IFNA14: variants seen among roughly 807,000 people sequenced by gnomAD.
The protein encoded by IFNA14 is interferon alpha 14.
For missense variants in IFNA14, 337 were observed against 214.9 expected, an observed-to-expected ratio of 1.57 and a Z score of -3.55; for synonymous variants, 113 against 76.8, an observed-to-expected ratio of 1.47 and a Z score of -2.46.
the IFNA14 span, chr9:21,239,758 CAA>C: frequency 6.2e-7 from 1 of 1,614,102 alleles, no homozygotes; most frequent in African/African-American, 1.3e-5. Flanking sequence ...TGGGGAAATT[CAA>C]AGTCATGTCT....
chr9:21,239,329 T>G lies in IFNA14; in HGVS notation c.*37A>C. On this transcript the variant is annotated 3_prime_UTR_variant, in exon 1 of 1. Coordinates refer to ENST00000380222, the MANE Select transcript of IFNA14 (RefSeq NM_002172.3). ...ACTCATGAAAGTGTGAGATGATGTA[T>G]TAGTCAATGAGAATCATTTCCATGA... The G allele has an allele frequency of 1.2e-6, 2 of 1,611,792 alleles. No individual in the cohort carries two copies. Among genetic ancestry groups the G allele is most frequent in the Non-Finnish European group, 1.7e-6 (2 of 1,179,490 alleles).
rs772633439 is a variant in IFNA14 at position 21,239,657 on chromosome 9, T to C, written c.279A>G (p.Thr93=). The C allele has an allele frequency of 8.1e-6, 13 of 1,613,906 alleles. No individual in the cohort carries two copies. In the East Asian group the frequency reaches 2.9e-4, roughly 36 times the overall value. ...MMQQTFNLFS[T]KNSSAAWDET... Reference sequence around the variant, plus strand: ...CATCCCAAGCAGCAGATGAGTTCTTTGTGCTGAAGAGATTGAAGGTCTGCT... The same window carrying C: ...CATCCCAAGCAGCAGATGAGTTCTTCGTGCTGAAGAGATTGAAGGTCTGCT... The change falls in exon 1 of 1, where the codon ACA becomes ACG. Residue 93 remains threonine, a synonymous_variant. Coordinates refer to ENST00000380222, the MANE Select transcript of IFNA14 (RefSeq NM_002172.3).
chr9:21,239,204 C>T lies in IFNA14; in HGVS notation c.*162G>A. ...GTCATCTGTAAAGGACTAGTGCCTGCACAGGTATACATGATGCTTCTTTAC... is the reference window on the plus strand; with the variant it reads ...GTCATCTGTAAAGGACTAGTGCCTGTACAGGTATACATGATGCTTCTTTAC... On this transcript the variant is annotated 3_prime_UTR_variant, in exon 1 of 1. Coordinates refer to ENST00000380222, the MANE Select transcript of IFNA14 (RefSeq NM_002172.3). 2.6e-6 allele frequency: 3 copies of T among 1,152,902 alleles called. No individual in the cohort carries two copies. Among genetic ancestry groups the T allele is most frequent in the East Asian group, 2.5e-5 (1 of 40,410 alleles). 71.4% of individuals were successfully genotyped at this position (1,152,902 alleles called of 1,614,324 possible).
Position 21,239,344 on chromosome 9 carries a change from C to G in IFNA14, c.*22G>C. Reference sequence around the variant, plus strand: ...AGATGATGTATTAGTCAATGAGAATCATTTCCATGATGAACCAGTTTTCAA... The same window carrying G: ...AGATGATGTATTAGTCAATGAGAATGATTTCCATGATGAACCAGTTTTCAA... On this transcript the variant is annotated 3_prime_UTR_variant, in exon 1 of 1. Coordinates refer to ENST00000380222, the MANE Select transcript of IFNA14 (RefSeq NM_002172.3). 1 of 1,612,986 alleles carries G rather than the reference C, an allele frequency of 6.2e-7. No individual in the cohort carries two copies. Among genetic ancestry groups the G allele is most frequent in the South Asian group, 1.1e-5 (1 of 90,902 alleles).
In IFNA14 at chr9:21,239,623, G is replaced by A; in HGVS notation, c.313C>T (p.Leu105=). ...NSSAAWDETL[L]EKFYIELFQQ... Reference sequence around the variant, plus strand: ...AAAAGTTCAATGTAGAATTTTTCTAGGAGGGTCTCATCCCAAGCAGCAGAT... The same window carrying A: ...AAAAGTTCAATGTAGAATTTTTCTAAGAGGGTCTCATCCCAAGCAGCAGAT... Residue 105 remains leucine, a synonymous_variant, in exon 1 of 1, where the codon CTA becomes TTA. Transcript: ENST00000380222. 6.2e-7 allele frequency: 1 copy of A among 1,613,892 alleles called. No homozygotes were observed. The highest frequency in any genetic ancestry group is 1.1e-5 in the South Asian group (1 of 91,068).
At position 21,239,890 on chromosome 9, in the gene IFNA14, A is replaced by C. The variant is rs1818862667; in HGVS notation, c.46T>G (p.Cys16Gly). ...ALMMALVVLS[C>G]KSSCSLGCNL... ...CAGCCCAGAGAGCAGCTTGACTTGC[A>C]GCTGAGCACCACCAGGGCCATCATT... The change falls in exon 1 of 1, where the codon TGC becomes GGC. Residue 16 changes from cysteine to glycine, a missense_variant. Transcript: ENST00000380222. The C allele has an allele frequency of 1.2e-6, 2 of 1,614,036 alleles. No homozygotes were observed. The highest frequency in any genetic ancestry group is 2.7e-5 in the African/African-American group (2 of 74,918).
At chr9:21,239,459 G>C in the IFNA14 span, 1 of 1,614,110 alleles carries the variant, frequency 6.2e-7, no homozygotes, top group South Asian at 1.1e-5. Context: ...CACAAGGGCT[G>C]TATTTCTTCT....
At position 21,239,823 on chromosome 9, in the gene IFNA14, A is replaced by G; in HGVS notation, c.113T>C (p.Leu38Ser). The change falls in exon 1 of 1, where the codon TTG becomes TCG. Residue 38 changes from leucine to serine, a missense_variant. Coordinates refer to ENST00000380222, the MANE Select transcript of IFNA14 (RefSeq NM_002172.3). ...TCTCCTCATTTGTGCCATGAGCATC[A>G]AAGTCCTCCTGTTATTCAGGCTGTG... Reference protein sequence around the residue: ...QTHSLNNRRTLMLMAQMRRIS... With the variant: ...QTHSLNNRRTSMLMAQMRRIS... 6.2e-7 allele frequency: 1 copy of G among 1,614,114 alleles called. No individual in the cohort carries two copies. The highest frequency in any genetic ancestry group is 8.5e-7 in the Non-Finnish European group (1 of 1,180,000).
In IFNA14 at chr9:21,239,349, C is replaced by A. The variant is rs769515945; in HGVS notation, c.*17G>T. On this transcript the variant is annotated 3_prime_UTR_variant, in exon 1 of 1. Transcript: ENST00000380222. ...ATGTATTAGTCAATGAGAATCATTTCCATGATGAACCAGTTTTCAATCCTT... is the reference window on the plus strand; with the variant it reads ...ATGTATTAGTCAATGAGAATCATTTACATGATGAACCAGTTTTCAATCCTT... 1 of 1,613,148 alleles carries A rather than the reference C, an allele frequency of 6.2e-7. No individual in the cohort carries two copies. Among genetic ancestry groups the A allele is most frequent in the Non-Finnish European group, 8.5e-7 (1 of 1,179,782 alleles).
chr9:21,239,932 C>A lies in IFNA14; in HGVS notation c.4G>T (p.Ala2Ser), dbSNP rs1818864051. 1 of 1,613,770 alleles carries A rather than the reference C, an allele frequency of 6.2e-7. No individual in the cohort carries two copies. The highest frequency in any genetic ancestry group is 1.3e-5 in the African/African-American group (1 of 74,880). The change falls in exon 1 of 1, where the codon GCA becomes TCA. Residue 2 changes from alanine (A) to serine (S), a missense_variant. Coordinates refer to ENST00000380222, the MANE Select transcript of IFNA14 (RefSeq NM_002172.3). ...GCCATCATTAAAGCAAAGGGCAATGCCATTGGGAATCCCGAAGATGCTGCT... is the reference window on the plus strand; with the variant it reads ...GCCATCATTAAAGCAAAGGGCAATGACATTGGGAATCCCGAAGATGCTGCT... Reference protein sequence around the residue: MALPFALMMALV... With the variant: MSLPFALMMALV...
chr9:21,239,608 T>G lies in IFNA14; in HGVS notation c.328A>C (p.Ile110Leu). The stretch of plus-strand genomic sequence containing the variant: ...TCATTCATTTGCTGGAAAAGTTCAA[T>G]GTAGAATTTTTCTAGGAGGGTCTCA... ...WDETLLEKFY[I>L]ELFQQMNDLE... The change falls in exon 1 of 1, where the codon ATT (isoleucine) becomes CTT (leucine). Residue 110 changes from isoleucine to leucine, a missense_variant. Transcript: ENST00000380222. 3 of 1,613,966 alleles carry G rather than the reference T, an allele frequency of 1.9e-6. No homozygotes were observed. The highest frequency in any genetic ancestry group is 2.5e-6 in the Non-Finnish European group (3 of 1,179,950).
chr9:21,239,980 AC>A lies in IFNA14; in HGVS notation c.-46del. 1 of 1,540,552 alleles carries A rather than the reference AC, an allele frequency of 6.5e-7. No individual in the cohort carries two copies. Among genetic ancestry groups the A allele is most frequent in the Non-Finnish European group, 9.0e-7 (1 of 1,114,358 alleles). On this transcript the variant is annotated 5_prime_UTR_variant, in exon 1 of 1. The change creates a new upstream start codon in the 5' untranslated region. Transcript: ENST00000380222. ...GCTGGGCTGGTTGATGAGGGGTAACACTGAACCTTGGGTTGTAGGTTTTCTG... is the reference window on the plus strand; with the variant it reads ...GCTGGGCTGGTTGATGAGGGGTAACATGAACCTTGGGTTGTAGGTTTTCTG...
At position 21,239,709 on chromosome 9, in the gene IFNA14, G is replaced by C; in HGVS notation, c.227C>G (p.Ala76Gly). The change falls in exon 1 of 1, where the codon GCC (alanine) becomes GGC (glycine). Residue 76 changes from alanine (A) to glycine (G), a missense_variant. By Grantham distance (60) the Ala-to-Gly change is moderately conservative. Transcript: ENST00000380222. ...CATCATCTCATGGAGGACAGAGATG[G>C]CTTGAGCTTTCTGGAACTGGTTGCC... ...FDGNQFQKAQ[A>G]ISVLHEMMQQ... 1 of 1,614,072 alleles carries C rather than the reference G, an allele frequency of 6.2e-7. No individual in the cohort carries two copies. The highest frequency in any genetic ancestry group is 8.5e-7 in the Non-Finnish European group (1 of 1,179,988).
chr9:21,239,820 A>G lies in IFNA14; in HGVS notation c.116T>C (p.Met39Thr), dbSNP rs752021682. Residue 39 changes from methionine to threonine, a missense_variant, in exon 1 of 1, where the codon ATG (methionine) becomes ACG (threonine). By Grantham distance (81) the Met-to-Thr change is moderately conservative (BLOSUM62 -1). Transcript: ENST00000380222. ...THSLNNRRTL[M>T]LMAQMRRISP... ...GATTCTCCTCATTTGTGCCATGAGC[A>G]TCAAAGTCCTCCTGTTATTCAGGCT... 1 of 1,614,158 alleles carries G rather than the reference A, an allele frequency of 6.2e-7. No homozygotes were observed. Among genetic ancestry groups the G allele is most frequent in the Admixed American group, 1.7e-5 (1 of 60,014 alleles).
In IFNA14 at chr9:21,239,622, A is replaced by T. The variant is rs1563825368; in HGVS notation, c.314T>A (p.Leu105Gln). The T allele has an allele frequency of 1.2e-6, 2 of 1,613,908 alleles. No homozygotes were observed. The highest frequency in any genetic ancestry group is 4.5e-5 in the East Asian group (2 of 44,870). ...NSSAAWDETL[L>Q]EKFYIELFQQ... is the part of the protein sequence containing the mutation. ...GAAAAGTTCAATGTAGAATTTTTCTAGGAGGGTCTCATCCCAAGCAGCAGA... is the reference window on the plus strand; with the variant it reads ...GAAAAGTTCAATGTAGAATTTTTCTTGGAGGGTCTCATCCCAAGCAGCAGA... The change falls in exon 1 of 1, where the codon CTA becomes CAA. Residue 105 changes from leucine to glutamine, a missense_variant. Transcript: ENST00000380222.
Position 21,239,975 on chromosome 9 carries a change from G to A in IFNA14, c.-40C>T. ...ATGCTGCTGGGCTGGTTGATGAGGG[G>A]TAACACTGAACCTTGGGTTGTAGGT... On this transcript the variant is annotated 5_prime_UTR_variant, in exon 1 of 1. Transcript: ENST00000380222. 6.4e-7 allele frequency: 1 copy of A among 1,559,002 alleles called. No individual in the cohort carries two copies. Among genetic ancestry groups the A allele is most frequent in the Non-Finnish European group, 8.8e-7 (1 of 1,130,304 alleles).
chr9:21,239,484 G>C lies in IFNA14; in HGVS notation c.452C>G (p.Thr151Ser), dbSNP rs747093070. Reference protein sequence around the residue: ...LAVKKYFQRITLYLMEKKYSP... With the variant: ...LAVKKYFQRISLYLMEKKYSP... Reference sequence around the variant, plus strand: ...GTATTTCTTCTCCATCAGATAAAGAGTGATTCTTTGGAAGTATTTCTTCAC... The same window carrying C: ...GTATTTCTTCTCCATCAGATAAAGACTGATTCTTTGGAAGTATTTCTTCAC... The change falls in exon 1 of 1, where the codon ACT (threonine) becomes AGT (serine). Residue 151 changes from threonine (T) to serine (S), a missense_variant. Transcript: ENST00000380222. The C allele has an allele frequency of 7.2e-5, 116 of 1,613,994 alleles. 1 individual carries two copies. Among genetic ancestry groups the C allele is most frequent in the Non-Finnish European group, 9.5e-5 (112 of 1,180,022 alleles).
chr9:21,239,300 A>G lies in IFNA14; in HGVS notation c.*66T>C. The G allele has an allele frequency of 2.5e-6, 4 of 1,596,948 alleles. No individual in the cohort carries two copies. Among genetic ancestry groups the G allele is most frequent in the Non-Finnish European group, 3.4e-6 (4 of 1,175,404 alleles). On this transcript the variant is annotated 3_prime_UTR_variant, in exon 1 of 1. Transcript: ENST00000380222. Reference sequence around the variant, plus strand: ...TAGGAGAAGTGAGTCTTTGAAATGGAAGAACTCATGAAAGTGTGAGATGAT... The same window carrying G: ...TAGGAGAAGTGAGTCTTTGAAATGGGAGAACTCATGAAAGTGTGAGATGAT...
chr9:21,239,201 C>T lies in IFNA14; in HGVS notation c.*165G>A. ...ATGGTCATCTGTAAAGGACTAGTGCCTGCACAGGTATACATGATGCTTCTT... is the reference window on the plus strand; with the variant it reads ...ATGGTCATCTGTAAAGGACTAGTGCTTGCACAGGTATACATGATGCTTCTT... On this transcript the variant is annotated 3_prime_UTR_variant, in exon 1 of 1. Coordinates refer to ENST00000380222, the MANE Select transcript of IFNA14 (RefSeq NM_002172.3). 1 of 1,116,528 alleles carries T rather than the reference C, an allele frequency of 9.0e-7. No homozygotes were observed. The highest frequency in any genetic ancestry group is 1.3e-6 in the Non-Finnish European group (1 of 787,134). The allele number at this position is 1,116,528 out of a possible 1,614,324, so 69.2% of individuals were successfully genotyped here.
Sources: allele counts gnomAD v4.1 joint callset, GRCh38; gene constraint gnomAD v4.1.1; transcripts MANE v1.5; gene names NCBI Gene and HGNC (gene_info 2026-07-23, HGNC 2026-07-21).